The following QKI variants were observed in gnomAD, a reference collection of about 807,000 sequenced individuals.
QKI encodes the protein QKI, KH domain containing RNA binding.
A neutral mutation model predicts 39.0 loss-of-function variants in QKI; 10 were observed. That is an observed-to-expected ratio of 0.26 (90% confidence interval 0.16 to 0.43). QKI has a LOEUF of 0.43. Ranked by LOEUF, QKI falls within the 20% of genes least tolerant of loss-of-function variation. The probability of loss-of-function intolerance (pLI) is 1.00; values close to 1 mark genes in which losing one functional copy is unlikely to be tolerated. For missense variants in QKI, 218 were observed against 428.0 expected (o/e 0.51, Z 4.33); for synonymous variants, 204 against 155.4 (o/e 1.31, Z -2.33).
chr6:163,496,935 T>C lies in QKI; in HGVS notation c.402+18039T>C, dbSNP rs147695346. ...CAACAGCCCTGACATGTTCTACATA[T>C]ATATTACTACCACCCTCACTTAAGG... On this transcript the variant is annotated intron_variant, in intron 3 of 7. Transcript: ENST00000361752. Among the ~76,000 whole-genome samples, 182 of 152,318 alleles carry C rather than the reference T, an allele frequency of 1.2e-3. 1 individual carries two copies. The highest frequency in any genetic ancestry group is 4.2e-3 in the African/African-American group (175 of 41,582).
chr6:163,554,733 C>T (rs1782476541), intron 4 of QKI, among the ~76,000 whole-genome samples: 2 of 152,352 alleles, frequency 1.3e-5, no homozygotes, highest in South Asian at 4.1e-4. Flanking sequence ...CCCTTACCCT[C>T]TGTGTCCAAC....
chr6:163,417,374 A>G (rs1049664277), intron 1 of QKI, among the ~76,000 whole-genome samples: 3 of 152,170 alleles, frequency 2.0e-5, no homozygotes, highest in African/African-American at 4.8e-5. Context: ...GTCGAATTCA[A>G]AGACTATAGG....
intron 3 of QKI, among the ~76,000 whole-genome samples, chr6:163,517,058 ACT>A (rs376115203): frequency 5.1e-4 from 72 of 142,234 alleles, no homozygotes; most frequent in South Asian, 6.5e-4. Flanking sequence ...ACACACACTC[ACT>A]CTCTCTCTCT....
chr6:163,506,220 T>A lies in QKI; in HGVS notation c.402+27324T>A, dbSNP rs190525107. 5.9e-3 allele frequency among the ~76,000 whole-genome samples: 892 copies of A among 152,278 alleles called. 2 individuals are homozygous for A. The highest frequency in any genetic ancestry group is 8.7e-3 in the Non-Finnish European group (593 of 68,016). ...GTCTCAGGTGGTACCTTTGTAGCAG[T>A]GTGAGAGCTAATAGAGGTATCAGAG... On this transcript the variant is annotated intron_variant, in intron 3 of 7. Transcript: ENST00000361752.
intron 3 of QKI, among the ~76,000 whole-genome samples, chr6:163,483,967 C>G (rs1236710087): frequency 1.3e-5 from 2 of 152,210 alleles, no homozygotes; most frequent in Non-Finnish European, 2.9e-5. Flanking sequence ...CCATGGGTTA[C>G]AGAATGAATG....
At position 163,575,896 on chromosome 6, in the gene QKI, G is replaced by A. The variant is rs932301761; in HGVS notation, c.*5186G>A. The stretch of plus-strand genomic sequence containing the variant: ...GGGTGGGGTGGGAGTGGTTTTGCAT[G>A]TTTGACCAGGATGTGATGCCTGTCT... On this transcript the variant is annotated 3_prime_UTR_variant, in exon 8 of 8. Transcript: ENST00000361752. 1.7e-4 allele frequency: 26 copies of A among 152,090 alleles called. No homozygotes were observed. Among genetic ancestry groups the A allele is most frequent in the African/African-American group, 6.0e-4 (25 of 41,420 alleles). The allele number at this position is 152,090 out of a possible 1,614,324, so 9.4% of individuals were successfully genotyped here.
Position 163,447,457 on chromosome 6 carries a change from C to G in QKI, c.143-7822C>G, listed in dbSNP as rs1217217691. The stretch of plus-strand genomic sequence containing the variant: ...TGAACAGTAAAATTCATACCTTTAT[C>G]TAATTATATGTTTGTACCTATTAAC... On this transcript the variant is annotated intron_variant, in intron 1 of 7. Coordinates refer to ENST00000361752, the MANE Select transcript of QKI (RefSeq NM_006775.3). 5.3e-5 allele frequency among the ~76,000 whole-genome samples: 8 copies of G among 152,158 alleles called. No homozygotes were observed. In the South Asian group the frequency reaches 6.2e-4, roughly 12 times the overall value.
chr6:163,452,826 C>T (rs977215158), intron 1 of QKI, among the ~76,000 whole-genome samples: 1 of 152,272 alleles, frequency 6.6e-6, no homozygotes, highest in East Asian at 1.9e-4. Flanking sequence ...CTCCTGAGTA[C>T]AAGCGATTCT....
intron 2 of QKI, among the ~76,000 whole-genome samples, chr6:163,465,196 G>T (rs971860874): frequency 1.3e-5 from 2 of 152,092 alleles, no homozygotes; most frequent in African/African-American, 4.8e-5. Context: ...CATAATAAAG[G>T]CTATGTGTGA....
chr6:163,554,985 A>G (rs1456386931), intron 4 of QKI, among the ~76,000 whole-genome samples: 1 of 152,208 alleles, frequency 6.6e-6, no homozygotes, highest in African/African-American at 2.4e-5. Context: ...ATTATCTGTC[A>G]TCTTCTGTCT....
At chr6:163,555,000 A>C (rs1318059017) in intron 4 of QKI, among the ~76,000 whole-genome samples, 1 of 152,188 alleles carries the variant, frequency 6.6e-6, no homozygotes, top group African/African-American at 2.4e-5. Context: ...CTGTCTGCCA[A>C]AGCTGTCGGA....
chr6:163,516,022 G>C (rs114283373), intron 3 of QKI, among the ~76,000 whole-genome samples: 771 of 8,992 alleles, frequency 0.086, 5 homozygotes, highest in African/African-American at 0.2. Flanking sequence ...GATATAATCT[G>C]ATTATTTTTA....
At chr6:163,509,429 C>G (rs1435743980) in intron 3 of QKI, among the ~76,000 whole-genome samples, 1 of 151,176 alleles carries the variant, frequency 6.6e-6, no homozygotes, top group Non-Finnish European at 1.5e-5. Context: ...ATTTTTTTTG[C>G]TCCTTCCCCC....
intron 5 of QKI, among the ~76,000 whole-genome samples, chr6:163,562,720 AC>A (rs1783111746): frequency 6.6e-6 from 1 of 152,246 alleles, no homozygotes; most frequent in Non-Finnish European, 1.5e-5. Context: ...ATATGAACAT[AC>A]CATGTTTAAA....
intron 7 of QKI, 31 bp from the exon 8 acceptor site, chr6:163,570,660 TTTG>T (rs1245335523): frequency 6.2e-7 from 1 of 1,605,056 alleles, no homozygotes; most frequent in Admixed American, 1.7e-5. Flanking sequence ...TTTTCTTTTT[TTTG>T]TTTTGTTTTT....
In QKI at chr6:163,567,961, T is replaced by C. The variant is rs760080207; in HGVS notation, c.1009+1166T>C. The C allele has an allele frequency of 1.6e-4, 153 of 984,916 alleles. 1 individual carries two copies. The highest frequency in any genetic ancestry group is 1.8e-4 in the Admixed American group (3 of 16,268). 61.0% of individuals were successfully genotyped at this position (984,916 alleles called of 1,614,324 possible). A position where few individuals can be genotyped will look rare whatever the true frequency, so the allele number is the denominator to read the frequency against. On this transcript the variant is annotated intron_variant, in intron 7 of 7. Transcript: ENST00000361752. ...TAACATGCCTTTCCCAAAGACATTGTTAATATTTGTTTAGCATAATCCATA... is the reference window on the plus strand; with the variant it reads ...TAACATGCCTTTCCCAAAGACATTGCTAATATTTGTTTAGCATAATCCATA...
At chr6:163,565,650 C>T in intron 6 of QKI, 1 of 1,060,020 alleles carries the variant, frequency 9.4e-7, no homozygotes, top group African/African-American at 1.7e-5. Flanking sequence ...AATAAGTGCC[C>T]AATGAAAAAA....
rs1028394414 is a variant in QKI at position 163,577,855 on chromosome 6, T to C, written c.*7145T>C. ...ATGTTTACAGAAGTGCTTAAGTGAA[T>C]GGAAGCACTAGACATTTGGATTTCC... On this transcript the variant is annotated 3_prime_UTR_variant, in exon 8 of 8. Transcript: ENST00000361752. The C allele has an allele frequency of 1.3e-5, 2 of 152,234 alleles. No homozygotes were observed. The highest frequency in any genetic ancestry group is 2.9e-5 in the Non-Finnish European group (2 of 68,042). The allele number at this position is 152,234 out of a possible 1,614,324, so 9.4% of individuals were successfully genotyped here.
intron 1 of QKI, among the ~76,000 whole-genome samples, chr6:163,425,840 T>A (rs1788363559): frequency 6.6e-6 from 1 of 152,194 alleles, no homozygotes; most frequent in African/African-American, 2.4e-5. Flanking sequence ...TTGAAGAGAC[T>A]CTTGGAGAAA....
Sources: gnomAD v4.1 joint callset for allele counts (sites outside exome capture counted in the v4.1 genomes callset) on GRCh38, gnomAD v4.1.1 for gene constraint, MANE v1.5 for transcripts, NCBI Gene and HGNC (gene_info 2026-07-23, HGNC 2026-07-21) for gene names.